The following JAZF1 variants were observed in gnomAD, a reference collection of about 807,000 sequenced individuals.
JAZF1 encodes JAZF zinc finger 1, also known as juxtaposed with another zinc finger protein 1.
JAZF1 carries 8 observed loss-of-function variants against 26.4 expected under a neutral mutation model. The observed-to-expected ratio is 0.30, with a 90% CI of 0.18 to 0.55. JAZF1 has a LOEUF of 0.55. Among genes scored for constraint, JAZF1 ranks in the 20% least tolerant of loss-of-function variants. The pLI, the probability that JAZF1 is intolerant of heterozygous loss-of-function variation, is 0.94. For synonymous variants in JAZF1, 126 were observed against 122.3 expected, an observed-to-expected ratio of 1.03 and a Z score of -0.20; for missense variants, 199 against 322.0, an observed-to-expected ratio of 0.62 and a Z score of 2.92.
intron 1 of JAZF1, among the ~76,000 whole-genome samples, chr7:28,072,766 G>A (rs1783996172): frequency 6.6e-6 from 1 of 152,094 alleles, no homozygotes; most frequent in African/African-American, 2.4e-5. Flanking sequence ...GGAAGGATGA[G>A]TTTACCTTTC....
At chr7:27,977,186 T>C (rs1304332626) in intron 2 of JAZF1, among the ~76,000 whole-genome samples, 1 of 152,264 alleles carries the variant, frequency 6.6e-6, no homozygotes, top group Non-Finnish European at 1.5e-5. Flanking sequence ...TTTTTCATTA[T>C]ATATTAGACA....
At chr7:28,109,636 G>A (rs57585717) in intron 1 of JAZF1, among the ~76,000 whole-genome samples, 38,133 of 152,074 alleles carry the variant, frequency 0.25, 6,830 homozygotes, top group East Asian at 0.54. Flanking sequence ...TACACACAAG[G>A]AAACTAAGGT....
chr7:27,836,771 A>G (rs945133709), intron 4 of JAZF1, among the ~76,000 whole-genome samples: 1 of 152,186 alleles, frequency 6.6e-6, no homozygotes, highest in African/African-American at 2.4e-5. Flanking sequence ...AGCAGCACAC[A>G]CTGTGTCCAG....
At chr7:27,909,676 A>G (rs1303612574) in intron 2 of JAZF1, among the ~76,000 whole-genome samples, 2 of 152,208 alleles carry the variant, frequency 1.3e-5, no homozygotes, top group East Asian at 3.9e-4. Flanking sequence ...ACTGCCCTCC[A>G]GCCTGGGCAA....
intron 2 of JAZF1, among the ~76,000 whole-genome samples, chr7:27,915,593 A>C (rs1784434368): frequency 1.3e-5 from 2 of 152,254 alleles, no homozygotes; most frequent in Admixed American, 1.3e-4. Flanking sequence ...ATTATCCTGA[A>C]TAAGGTGAAG....
chr7:28,171,393 T>G (rs556618169), intron 1 of JAZF1, among the ~76,000 whole-genome samples: 1 of 152,358 alleles, frequency 6.6e-6, no homozygotes, highest in South Asian at 2.1e-4. Context: ...CAAAGTTACC[T>G]TTGTAATTTA....
chr7:28,124,343 G>GA (rs1318621976), intron 1 of JAZF1, among the ~76,000 whole-genome samples: 3 of 152,158 alleles, frequency 2.0e-5, no homozygotes, highest in South Asian at 2.1e-4. Flanking sequence ...CCAAAGCTGT[G>GA]AAAAAAATAC....
intron 1 of JAZF1, among the ~76,000 whole-genome samples, chr7:28,125,476 T>TA (rs1174721758): frequency 6.6e-6 from 1 of 152,210 alleles, no homozygotes; most frequent in African/African-American, 2.4e-5. Flanking sequence ...ATTGGTTTCC[T>TA]AGCAACAGCG....
chr7:27,872,852 G>A (rs766033382), intron 3 of JAZF1, among the ~76,000 whole-genome samples: 4 of 152,008 alleles, frequency 2.6e-5, no homozygotes, highest in Non-Finnish European at 4.4e-5. Flanking sequence ...ACAATATCAG[G>A]AAACAGGTCT....
chr7:28,162,331 T>C (rs540073667), intron 1 of JAZF1, among the ~76,000 whole-genome samples: 122 of 152,340 alleles, frequency 8.0e-4, no homozygotes, highest in Non-Finnish European at 1.4e-3. Flanking sequence ...GCCATACATA[T>C]TGTATGTGTA....
intron 1 of JAZF1, among the ~76,000 whole-genome samples, chr7:28,081,348 A>G (rs1403944018): frequency 6.6e-6 from 1 of 152,200 alleles, no homozygotes; most frequent in African/African-American, 2.4e-5. Context: ...ACATGGGGGA[A>G]GGAGTGCGGG....
At chr7:28,009,025 C>T (rs1782750760) in intron 1 of JAZF1, among the ~76,000 whole-genome samples, 1 of 152,182 alleles carries the variant, frequency 6.6e-6, no homozygotes, top group African/African-American at 2.4e-5. Flanking sequence ...AATCACAAGA[C>T]ATCAGATTCC....
At chr7:27,959,490 T>C (rs1408319019) in intron 2 of JAZF1, among the ~76,000 whole-genome samples, 2 of 152,234 alleles carry the variant, frequency 1.3e-5, no homozygotes, top group African/African-American at 2.4e-5. Context: ...TCCATGTTTG[T>C]CATCTTGAGT....
At chr7:28,115,956 C>G (rs969755667) in intron 1 of JAZF1, among the ~76,000 whole-genome samples, 10 of 152,066 alleles carry the variant, frequency 6.6e-5, no homozygotes, top group Non-Finnish European at 1.3e-4. Context: ...GAGGTCTTTC[C>G]ATATCAACGT....
chr7:27,882,285 C>A (rs1406828996), intron 3 of JAZF1, among the ~76,000 whole-genome samples: 1 of 151,128 alleles, frequency 6.6e-6, no homozygotes, highest in African/African-American at 2.4e-5. Flanking sequence ...GTGTTCCATA[C>A]CAAGCAGAGC....
At chr7:27,975,634 A>G (rs1335943810) in intron 2 of JAZF1, among the ~76,000 whole-genome samples, 1 of 152,178 alleles carries the variant, frequency 6.6e-6, no homozygotes, top group African/African-American at 2.4e-5. Context: ...TTTCTACATA[A>G]AAAAGAAATA....
At chr7:28,166,469 C>T (rs1196067786) in intron 1 of JAZF1, among the ~76,000 whole-genome samples, 2 of 152,142 alleles carry the variant, frequency 1.3e-5, no homozygotes, top group African/African-American at 4.8e-5. Context: ...GTCATGTTCT[C>T]GGATTTCTTC....
At chr7:28,121,186 G>GAAAAAA (rs113018287) in intron 1 of JAZF1, among the ~76,000 whole-genome samples, 4,180 of 134,124 alleles carry the variant, frequency 0.031, 120 homozygotes, top group Middle Eastern at 0.047. Context: ...AGACTGTCTC[G>GAAAAAA]AAAAAAAAAG....
At chr7:27,901,786 T>C (rs1784164262) in intron 2 of JAZF1, among the ~76,000 whole-genome samples, 1 of 152,130 alleles carries the variant, frequency 6.6e-6, no homozygotes, top group African/African-American at 2.4e-5. Flanking sequence ...TGGTCCTAGT[T>C]TTTCTACCTG....
Sources: allele counts gnomAD v4.1 joint callset (sites outside exome capture counted in the v4.1 genomes callset), GRCh38; gene constraint gnomAD v4.1.1; transcripts MANE v1.5; gene names NCBI Gene and HGNC (gene_info 2026-07-23, HGNC 2026-07-21).